Variants in SLC1A6 observed in about 807,000 individuals in gnomAD.
SLC1A6 encodes the protein solute carrier family 1 member 6, also known as excitatory amino acid transporter 4.
Under a neutral mutation model 42.1 loss-of-function variants are expected in SLC1A6, and 15 were observed. The observed-to-expected ratio is 0.36, with a 90% CI of 0.24 to 0.55. SLC1A6 has a LOEUF of 0.55. SLC1A6 is among the 20% of genes least tolerant of loss of function. The pLI is 0.88. For missense variants in SLC1A6, 542 were observed against 772.5 expected (o/e 0.70, Z 3.54); for synonymous variants, 317 against 319.7 (o/e 0.99, Z 0.09).
At chr19:14,985,508 A>G (rs1438843369) in intron 1 of SLC1A6, among the ~76,000 whole-genome samples, 1 of 152,156 alleles carries the variant, frequency 6.6e-6, no homozygotes, top group Admixed American at 6.6e-5. Context: ...ACCATTTGAC[A>G]TTTCTGCTCC....
intron 1 of SLC1A6, among the ~76,000 whole-genome samples, chr19:15,007,006 T>C (rs531573919): frequency 1.3e-5 from 2 of 152,036 alleles, no homozygotes; most frequent in Non-Finnish European, 2.9e-5. Flanking sequence ...CACTTACGTA[T>C]TCCTCTAATA....
At chr19:14,995,322 T>A (rs1172766996) in intron 1 of SLC1A6, among the ~76,000 whole-genome samples, 91 of 44,902 alleles carry the variant, frequency 2.0e-3, no homozygotes, top group Non-Finnish European at 3.1e-3. Context: ...TGAAACTCCA[T>A]CTCCAAAAAA....
chr19:14,974,925 A>C (rs1271144965), intron 1 of SLC1A6: 1 of 151,080 alleles, frequency 6.6e-6, no homozygotes, highest in East Asian at 2.0e-4. Context: ...GCAGCCTCCA[A>C]CTCCTGGGCT....
chr19:15,004,849 C>T (rs778936919), intron 1 of SLC1A6, among the ~76,000 whole-genome samples: 13 of 152,152 alleles, frequency 8.5e-5, no homozygotes, highest in Non-Finnish European at 1.8e-4. Flanking sequence ...TCCTAGTCCT[C>T]GGTCTTGTGT....
At chr19:14,957,031 A>T (rs2045469318) in intron 6 of SLC1A6, among the ~76,000 whole-genome samples, 2 of 151,952 alleles carry the variant, frequency 1.3e-5, no homozygotes, top group Admixed American at 1.3e-4. Context: ...GCCCCAAATA[A>T]TCACTACCTT....
rs181336919 is a variant in SLC1A6 at position 14,966,371 on chromosome 19, A to C, written c.548+1932T>G. 6.9e-3 allele frequency among the ~76,000 whole-genome samples: 1,046 copies of C among 152,038 alleles called. 7 individuals carry two copies. Among genetic ancestry groups the C allele is most frequent in the South Asian group, 0.016 (79 of 4,814 alleles). ...GTCCAGTGTGGTGGCGTGCACCTGT[A>C]ATTCCAGCTACTCTGGAGGCTGAGG... On this transcript the variant is annotated intron_variant, in intron 4 of 9. Coordinates refer to ENST00000594383, the MANE Select transcript of SLC1A6 (RefSeq NM_005071.3).
At chr19:14,955,158 A>G (rs919009759) in intron 7 of SLC1A6, among the ~76,000 whole-genome samples, 11 of 152,220 alleles carry the variant, frequency 7.2e-5, no homozygotes, top group Admixed American at 6.5e-4. Flanking sequence ...TGGACTCATA[A>G]GAGAGTCTCT....
chr19:14,967,716 G>T (rs909271135), intron 4 of SLC1A6, among the ~76,000 whole-genome samples: 1 of 152,128 alleles, frequency 6.6e-6, no homozygotes, highest in African/African-American at 2.4e-5. Context: ...TTCTCTAGGA[G>T]TTAAACAAAC....
chr19:14,958,958 A>C (rs533404689), intron 6 of SLC1A6, among the ~76,000 whole-genome samples: 53 of 152,346 alleles, frequency 3.5e-4, no homozygotes, highest in Non-Finnish European at 6.9e-4. Context: ...GTTCGTCTTC[A>C]AAGTTTCCCT....
At chr19:14,978,237 T>C (rs1405149251) in intron 1 of SLC1A6, 2 of 152,234 alleles carry the variant, frequency 1.3e-5, no homozygotes, top group Non-Finnish European at 2.9e-5. Flanking sequence ...TTAGATCTGA[T>C]GAGATGTGTG....
chr19:14,961,742 T>A (rs546432129), intron 6 of SLC1A6: 1 of 441,210 alleles, frequency 2.3e-6, no homozygotes, highest in Non-Finnish European at 4.1e-6. Flanking sequence ...CAGAAGGACA[T>A]GAATGAATGA....
chr19:14,963,995 C>CTTT (rs34907139), intron 5 of SLC1A6: 143 of 158,820 alleles, frequency 9.0e-4, no homozygotes, highest in Middle Eastern at 2.5e-3. Flanking sequence ...TTTTTTTAAT[C>CTTT]TTTTTTTTTT....
chr19:14,961,641 A>G (rs2045512656), intron 6 of SLC1A6: 1 of 227,422 alleles, frequency 4.4e-6, no homozygotes, highest in East Asian at 1.1e-4. Context: ...AAGCATGAGT[A>G]TAGATGAATA....
intron 3 of SLC1A6, 35 bp from the exon 4 acceptor site, chr19:14,968,542 T>C (rs760103539): frequency 2.6e-6 from 4 of 1,551,916 alleles, no homozygotes; most frequent in Non-Finnish European, 3.5e-6. Context: ...CGCAGCTCCA[T>C]GCATACCCAA....
intron 1 of SLC1A6, chr19:14,974,728 T>C (rs739963): frequency 0.72 from 109,617 of 151,868 alleles, 39,893 homozygotes; most frequent in African/African-American, 0.81. Context: ...TTGAATTATA[T>C]GTTTTCAAAT....
At chr19:14,954,441 G>A (rs890685377) in intron 7 of SLC1A6, 112 bp from the exon 8 acceptor site, 1 of 968,900 alleles carries the variant, frequency 1.0e-6, no homozygotes, top group Non-Finnish European at 1.6e-6. Context: ...GCCGAAGAAA[G>A]GCTGGGGAAC....
intron 2 of SLC1A6, 39 bp from the exon 3 acceptor site, chr19:14,971,913 G>A (rs745928019): frequency 1.9e-6 from 3 of 1,610,764 alleles, no homozygotes; most frequent in Non-Finnish European, 2.5e-6. Context: ...TGAAGTCTGG[G>A]TCGCTCAGCC....
In SLC1A6 at chr19:14,970,846, T is replaced by A. The variant is rs371972652; in HGVS notation, c.343+891A>T. 1.8e-4 allele frequency among the ~76,000 whole-genome samples: 27 copies of A among 152,162 alleles called. 1 individual carries two copies. The East Asian group carries it at 2.7e-3, about 15-fold the overall frequency. The stretch of plus-strand genomic sequence containing the variant: ...AGCTTTTCGGGAGTCAAAAGTTACA[T>A]GTGAGCCGGGCGTGGTGGCTCATGC... On this transcript the variant is annotated intron_variant, in intron 3 of 9. Coordinates refer to ENST00000594383, the MANE Select transcript of SLC1A6 (RefSeq NM_005071.3).
Position 14,962,048 on chromosome 19 carries a change from C to T in SLC1A6, c.889G>A (p.Asp297Asn), listed in dbSNP as rs779014705. 1.4e-5 allele frequency: 22 copies of T among 1,613,934 alleles called. No homozygotes were observed. The highest frequency in any genetic ancestry group is 4.4e-5 in the South Asian group (4 of 91,062). ...CTCATAATAGCCTCATTGAGGCTGT[C>T]GAAGAAGTCCCTGAGGACTCTGCCC... ...HKGRVLRDFFDSLNEAIMRLV... is the reference protein window; with the variant it reads ...HKGRVLRDFFNSLNEAIMRLV... Residue 297 changes from aspartate to asparagine, a missense_variant, in exon 6 of 10, where the codon GAC (aspartate) becomes AAC (asparagine). Asp to Asn is a conservative substitution (Grantham distance 23). Around this residue, in one of 6 missense-constraint regions of SLC1A6, gnomAD observed 298 missense variants for 419.4 expected, o/e 0.71. Coordinates refer to ENST00000594383, the MANE Select transcript of SLC1A6 (RefSeq NM_005071.3).
Sources: gnomAD v4.1 joint callset for allele counts (sites outside exome capture counted in the v4.1 genomes callset) on GRCh38, gnomAD v4.1.1 for gene constraint, gnomAD v4.1.1 regional missense constraint, MANE v1.5 for transcripts, NCBI Gene and HGNC (gene_info 2026-07-23, HGNC 2026-07-21) for gene names.